The following CNTNAP2 variants were observed in gnomAD, a reference collection of about 807,000 sequenced individuals.
CNTNAP2 encodes the protein contactin-associated protein-like 2.
Under a neutral mutation model 155.2 loss-of-function variants are expected in CNTNAP2, and 98 were observed. The ratio of observed to expected loss-of-function variants is 0.63; its 90% CI spans 0.54 to 0.75. The LOEUF (loss-of-function observed/expected upper bound fraction) is 0.75, where lower values mean the gene tolerates loss of function less well. Among genes scored for constraint, CNTNAP2 ranks in the 30% least tolerant of loss-of-function variants. The probability of loss-of-function intolerance (pLI) is 0.00; values close to 1 mark genes in which losing one functional copy is unlikely to be tolerated. For missense variants in CNTNAP2, 1,727 were observed against 1,688.1 expected (o/e 1.02, Z -0.40); for synonymous variants, 651 against 631.2 (o/e 1.03, Z -0.47).
intron 1 of CNTNAP2, among the ~76,000 whole-genome samples, chr7:146,770,363 C>A (rs1022207193): frequency 4.0e-5 from 6 of 148,290 alleles, no homozygotes; most frequent in Non-Finnish European, 7.5e-5. Context: ...TACATATAAT[C>A]TGCCTGAAGT....
At chr7:147,225,862 AGAAGGAAGGAGGGAAAGAAGGAAGGAAG>A (rs1563123871) in intron 8 of CNTNAP2, among the ~76,000 whole-genome samples, 2 of 132,356 alleles carry the variant, frequency 1.5e-5, no homozygotes, top group African/African-American at 5.5e-5. Context: ...AAGGAGGGAA[AGAAGGAAGGAGGGAAAGAAGGAAGGAAG>A]GAAGGAAGGA....
intron 8 of CNTNAP2, among the ~76,000 whole-genome samples, chr7:147,153,991 AG>A (rs1406628925): frequency 1.1e-4 from 16 of 152,200 alleles, no homozygotes; most frequent in African/African-American, 3.8e-4. Flanking sequence ...GGAGCTGTCA[AG>A]GATTGCTCTT....
chr7:146,401,936 G>T (rs759230390), intron 1 of CNTNAP2, among the ~76,000 whole-genome samples: 6 of 152,026 alleles, frequency 3.9e-5, no homozygotes, highest in Non-Finnish European at 7.4e-5. Context: ...TGGTATTTAA[G>T]AAATATATTT....
intron 9 of CNTNAP2, among the ~76,000 whole-genome samples, chr7:147,344,803 G>A (rs950063942): frequency 5.3e-5 from 8 of 151,822 alleles, no homozygotes; most frequent in Non-Finnish European, 7.4e-5. Flanking sequence ...TTTAATAAAC[G>A]TACATTAGGA....
chr7:147,060,887 A>G (rs1471354142), intron 4 of CNTNAP2, among the ~76,000 whole-genome samples: 1 of 151,988 alleles, frequency 6.6e-6, no homozygotes, highest in East Asian at 1.9e-4. Context: ...AAAAAGAAAA[A>G]GAAAAAAACT....
intron 11 of CNTNAP2, among the ~76,000 whole-genome samples, chr7:147,504,559 C>T (rs911872432): frequency 2.6e-5 from 4 of 151,474 alleles, no homozygotes; most frequent in African/African-American, 4.9e-5. Flanking sequence ...CGTGGTGTTA[C>T]GTGCCTGTAA....
chr7:147,718,352 C>T (rs1017583719), intron 13 of CNTNAP2, among the ~76,000 whole-genome samples: 1 of 152,072 alleles, frequency 6.6e-6, no homozygotes, highest in African/African-American at 2.4e-5. Context: ...CATGGAAACA[C>T]TCTTAAGGGA....
At chr7:147,150,426 T>C (rs554758624) in intron 8 of CNTNAP2, among the ~76,000 whole-genome samples, 2 of 152,080 alleles carry the variant, frequency 1.3e-5, no homozygotes, top group Non-Finnish European at 2.9e-5. Context: ...GAGTAGAGTA[T>C]AGTTCAGAAG....
intron 21 of CNTNAP2, among the ~76,000 whole-genome samples, chr7:148,351,744 C>CAAAAAAAAAAAAAAAAAAAAAAAAAAAAA (rs71188974): frequency 1.2e-4 from 10 of 85,392 alleles, no homozygotes; most frequent in African/African-American, 2.0e-4. Flanking sequence ...CTCTGTCTCA[C>CAAAAAAAAAAAAAAAAAAAAAAAAAAAAA]AAAAAAAAAA....
chr7:146,689,617 G>A (rs1029226641), intron 1 of CNTNAP2, among the ~76,000 whole-genome samples: 1 of 152,046 alleles, frequency 6.6e-6, no homozygotes, highest in African/African-American at 2.4e-5. Context: ...TCATTTTAAA[G>A]TCTAACTTGT....
chr7:146,994,601 A>G (rs1038982821), intron 3 of CNTNAP2, among the ~76,000 whole-genome samples: 10 of 152,182 alleles, frequency 6.6e-5, no homozygotes, highest in African/African-American at 1.7e-4. Flanking sequence ...ATTTTTTGTC[A>G]TTACATCATG....
chr7:146,878,590 A>C (rs10230479), intron 3 of CNTNAP2, among the ~76,000 whole-genome samples: 24,222 of 151,972 alleles, frequency 0.16, 2,539 homozygotes, highest in African/African-American at 0.29. Flanking sequence ...CACTAGTTTA[A>C]CTTCACTCTC....
chr7:146,366,795 T>A (rs1795161962), intron 1 of CNTNAP2, among the ~76,000 whole-genome samples: 1 of 152,296 alleles, frequency 6.6e-6, no homozygotes, highest in East Asian at 1.9e-4. Context: ...CACCCTTTTT[T>A]TCTGAAAAGA....
chr7:148,096,831 T>TA (rs1200657928), intron 15 of CNTNAP2, among the ~76,000 whole-genome samples: 2 of 152,184 alleles, frequency 1.3e-5, no homozygotes, highest in Non-Finnish European at 2.9e-5. Context: ...AGAGCTTCCC[T>TA]ACTGGGAAAG....
At chr7:146,608,065 T>G (rs891456330) in intron 1 of CNTNAP2, among the ~76,000 whole-genome samples, 12 of 152,214 alleles carry the variant, frequency 7.9e-5, no homozygotes, top group Admixed American at 1.3e-4. Flanking sequence ...TAAGCATTAT[T>G]AATATTTGGA....
intron 3 of CNTNAP2, among the ~76,000 whole-genome samples, chr7:146,932,796 GACAA>G (rs1164271356): frequency 1.3e-5 from 2 of 151,906 alleles, no homozygotes; most frequent in South Asian, 2.1e-4. Flanking sequence ...ACCAATAACA[GACAA>G]ACAGAGAGCC....
intron 1 of CNTNAP2, among the ~76,000 whole-genome samples, chr7:146,766,645 C>A (rs1036940778): frequency 2.6e-5 from 4 of 152,166 alleles, no homozygotes; most frequent in African/African-American, 4.8e-5. Flanking sequence ...TAATACTACC[C>A]ATCTCAATGG....
intron 13 of CNTNAP2, among the ~76,000 whole-genome samples, chr7:147,763,284 G>A (rs1231397491): frequency 6.8e-6 from 1 of 146,620 alleles, no homozygotes; most frequent in Non-Finnish European, 1.5e-5. Context: ...AAAAAAAAAA[G>A]AATAAAGATC....
At chr7:146,158,059 C>A (rs1265550010) in intron 1 of CNTNAP2, among the ~76,000 whole-genome samples, 2 of 152,188 alleles carry the variant, frequency 1.3e-5, no homozygotes, top group African/African-American at 4.8e-5. Flanking sequence ...GATCAGGCAG[C>A]AACATCTGCT....
Sources: gnomAD v4.1 joint callset for allele counts (sites outside exome capture counted in the v4.1 genomes callset) on GRCh38, gnomAD v4.1.1 for gene constraint, MANE v1.5 for transcripts, NCBI Gene and HGNC (gene_info 2026-07-23, HGNC 2026-07-21) for gene names.